Variants in PPP2R2C observed in about 807,000 individuals in gnomAD.
The protein encoded by PPP2R2C is protein phosphatase 2, regulatory subunit B, gamma.
Under a neutral mutation model 45.3 loss-of-function variants are expected in PPP2R2C, and 10 were observed. The observed-to-expected ratio is 0.22, with a 90% CI of 0.14 to 0.37. The LOEUF (loss-of-function observed/expected upper bound fraction) is 0.37. Ranked by LOEUF, PPP2R2C falls within the 10% of genes least tolerant of loss-of-function variation. The pLI is 1.00. For missense variants in PPP2R2C, 308 were observed against 619.7 expected (o/e 0.50, Z 5.34); for synonymous variants, 257 against 245.4 (o/e 1.05, Z -0.44).
At chr4:6,512,530 A>G (rs7375817) in intron 2 of PPP2R2C, among the ~76,000 whole-genome samples, 400 of 50,044 alleles carry the variant, frequency 8.0e-3, no homozygotes, top group African/African-American at 9.9e-3. Flanking sequence ...GGTGGTGGTG[A>G]TGGTGATGGT....
chr4:6,407,257 T>C (rs1717858274), intron 1 of PPP2R2C, among the ~76,000 whole-genome samples: 1 of 152,236 alleles, frequency 6.6e-6, no homozygotes, highest in Non-Finnish European at 1.5e-5. Context: ...GTGTGCCACA[T>C]GGCCTTACAA....
chr4:6,557,434 G>T (rs1311162759), intron 1 of PPP2R2C, among the ~76,000 whole-genome samples: 1 of 152,198 alleles, frequency 6.6e-6, no homozygotes, highest in Non-Finnish European at 1.5e-5. Context: ...TGGACCCGGA[G>T]TACAGTGATG....
intron 1 of PPP2R2C, among the ~76,000 whole-genome samples, chr4:6,425,429 C>T (rs1179436691): frequency 3.3e-5 from 5 of 152,242 alleles, no homozygotes; most frequent in African/African-American, 4.8e-5. Context: ...ATGCCAGCCC[C>T]TCCTCATGAG....
chr4:6,400,287 G>C (rs971838611), intron 1 of PPP2R2C, among the ~76,000 whole-genome samples: 1 of 152,010 alleles, frequency 6.6e-6, no homozygotes, highest in African/African-American at 2.4e-5. Flanking sequence ...TTAAGCTAGA[G>C]ATTAAAGAGA....
At position 6,532,854 on chromosome 4, in the gene PPP2R2C, C is replaced by CG. The variant is rs566412556; in HGVS notation, c.49+2416dup. On this transcript the variant is annotated intron_variant, in intron 2 of 9. Coordinates refer to the PPP2R2C transcript ENST00000506140. ...GAGTCAAGTCCCAAGGCAGCAGCACCGGGGGGCCAGGTATCTGTGCCCTAG... is the reference window on the plus strand; with the variant it reads ...GAGTCAAGTCCCAAGGCAGCAGCACCGGGGGGGCCAGGTATCTGTGCCCTAG... Among the ~76,000 whole-genome samples the CG allele has an allele frequency of 7.1e-3, 1,086 of 152,304 alleles. 9 individuals carry two copies. The highest frequency in any genetic ancestry group is 0.01 in the Non-Finnish European group (695 of 68,024).
At chr4:6,388,935 GCC>G (rs1716414790) in intron 1 of PPP2R2C, among the ~76,000 whole-genome samples, 1 of 152,120 alleles carries the variant, frequency 6.6e-6, no homozygotes, top group South Asian at 2.1e-4. Context: ...GCAGGCTCCA[GCC>G]CCCGAGAACT....
At chr4:6,456,357 T>C (rs1225589144) in intron 1 of PPP2R2C, among the ~76,000 whole-genome samples, 1 of 141,396 alleles carries the variant, frequency 7.1e-6, no homozygotes, top group Non-Finnish European at 1.5e-5. Flanking sequence ...GTTTCTGTAA[T>C]GAAATAAAAT....
In PPP2R2C at chr4:6,510,836, G is replaced by A. The variant is rs138901482; in HGVS notation, c.49+24435C>T. On this transcript the variant is annotated intron_variant, in intron 2 of 9. Coordinates refer to the PPP2R2C transcript ENST00000506140. ...ACTAAAAATCCAAAAAATTAGCCAG[G>A]CATGGTGGCAGGCACCTGTATTCCC... 3.6e-3 allele frequency among the ~76,000 whole-genome samples: 542 copies of A among 152,178 alleles called. 3 individuals carry two copies. Among genetic ancestry groups the A allele is most frequent in the African/African-American group, 0.012 (506 of 41,526 alleles).
At chr4:6,377,086 A>C (rs1715366361) in intron 3 of PPP2R2C, among the ~76,000 whole-genome samples, 1 of 152,226 alleles carries the variant, frequency 6.6e-6, no homozygotes, top group African/African-American at 2.4e-5. Context: ...GGCCAGGTAC[A>C]GGGCGAGGAT....
intron 1 of PPP2R2C, among the ~76,000 whole-genome samples, chr4:6,447,465 A>G (rs1720485781): frequency 2.0e-5 from 3 of 152,002 alleles, no homozygotes. Flanking sequence ...TGACACCCAG[A>G]ATGTTGTGGA....
At chr4:6,384,351 A>C in intron 1 of PPP2R2C, 2 of 985,496 alleles carry the variant, frequency 2.0e-6, no homozygotes, top group Non-Finnish European at 2.4e-6. Flanking sequence ...GAAACTGGGC[A>C]GTGGGGAAAA....
chr4:6,522,374 G>A (rs1724054923), intron 2 of PPP2R2C, among the ~76,000 whole-genome samples: 1 of 152,246 alleles, frequency 6.6e-6, no homozygotes, highest in Non-Finnish European at 1.5e-5. Context: ...GTAGAGGTGG[G>A]AAATTGAGGC....
At chr4:6,390,302 G>T (rs939169754) in intron 1 of PPP2R2C, among the ~76,000 whole-genome samples, 34 of 152,134 alleles carry the variant, frequency 2.2e-4, no homozygotes, top group Non-Finnish European at 3.2e-4. Flanking sequence ...ATACAGCGGG[G>T]TCTCCCTAGG....
intron 2 of PPP2R2C, among the ~76,000 whole-genome samples, chr4:6,504,633 C>A (rs907904136): frequency 6.6e-6 from 1 of 152,070 alleles, no homozygotes; most frequent in Non-Finnish European, 1.5e-5. Context: ...AATGGAAAAT[C>A]TAGAACTGAA....
chr4:6,344,075 G>A (rs886186973), intron 6 of PPP2R2C, among the ~76,000 whole-genome samples: 1 of 152,182 alleles, frequency 6.6e-6, no homozygotes, highest in Non-Finnish European at 1.5e-5. Context: ...ACAGGCCCTT[G>A]GGGATTTGTC....
chr4:6,523,967 G>A (rs1002712874), intron 2 of PPP2R2C, among the ~76,000 whole-genome samples: 3 of 152,176 alleles, frequency 2.0e-5, no homozygotes, highest in Admixed American at 6.5e-5. Flanking sequence ...AGGCTGGAGT[G>A]CAATGGCGTG....
intron 1 of PPP2R2C, among the ~76,000 whole-genome samples, chr4:6,557,743 A>G (rs1477717321): frequency 6.6e-6 from 1 of 152,138 alleles, no homozygotes; most frequent in Non-Finnish European, 1.5e-5. Flanking sequence ...CCAGAAGAGG[A>G]GACAATGGCT....
chr4:6,333,606 C>T lies in PPP2R2C; in HGVS notation c.916G>A (p.Val306Ile). 6.2e-7 allele frequency: 1 copy of T among 1,614,134 alleles called. No homozygotes were observed. The highest frequency in any genetic ancestry group is 8.5e-7 in the Non-Finnish European group (1 of 1,179,996). ...CTTGCCTCCATGTTCAGGTCCCAGA[C>T]CTTGACTGTAAGGTAGTCCCGGGTG... is the stretch of plus-strand genomic sequence containing the variant. ...MLTRDYLTVKVWDLNMEARPI... is the reference protein window; with the variant it reads ...MLTRDYLTVKIWDLNMEARPI... Residue 306 changes from valine to isoleucine, a missense_variant, in exon 7 of 9, where the codon GTC becomes ATC. Physicochemically the swap from Val to Ile is conservative, Grantham distance 29. Transcript: ENST00000382599.
At chr4:6,492,234 C>A (rs1185428712) in intron 2 of PPP2R2C, among the ~76,000 whole-genome samples, 10 of 152,324 alleles carry the variant, frequency 6.6e-5, no homozygotes, top group Non-Finnish European at 1.5e-5. Flanking sequence ...AAGGACATGT[C>A]CCACAGTGCC....
Sources: allele counts gnomAD v4.1 joint callset (sites outside exome capture counted in the v4.1 genomes callset), GRCh38; gene constraint gnomAD v4.1.1; transcripts MANE v1.5; gene names NCBI Gene and HGNC (gene_info 2026-07-23, HGNC 2026-07-21).